Variants in RASA3 observed in about 807,000 individuals in gnomAD.
RASA3 encodes the protein ras GTPase-activating protein 3.
In RASA3, 73 loss-of-function variants were observed where a neutral mutation model predicts 110.0. The observed-to-expected ratio is 0.66, with a 90% CI of 0.55 to 0.81. The LOEUF is 0.81. Ranked by LOEUF, RASA3 falls within the 30% of genes least tolerant of loss-of-function variation. The probability of loss-of-function intolerance (pLI) is 0.00; values close to 1 mark genes in which losing one functional copy is unlikely to be tolerated. For synonymous variants in RASA3, 500 were observed against 451.4 expected (o/e 1.11, Z -1.37); for missense variants, 976 against 1,113.2 (o/e 0.88, Z 1.75).
In RASA3 at chr13:114,011,373, G is replaced by A; in HGVS notation, c.1513-125C>T. Reference sequence around the variant, plus strand: ...CTGTGGCTTGTGCATGAGCTACGGAGAAACAGGGGTAGCGACGCAGATGGG... The same window carrying A: ...CTGTGGCTTGTGCATGAGCTACGGAAAAACAGGGGTAGCGACGCAGATGGG... On this transcript the variant is annotated intron_variant, in intron 15 of 23. Coordinates refer to ENST00000334062, the MANE Select transcript of RASA3 (RefSeq NM_007368.4). This position sits in a 1 kb window ranked among gnomAD's most constrained non-coding sequence, Gnocchi z 4.8. 1 of 834,832 alleles carries A rather than the reference G, an allele frequency of 1.2e-6. No homozygotes were observed. The highest frequency in any genetic ancestry group is 2.0e-6 in the Non-Finnish European group (1 of 506,342). The allele number at this position is 834,832 out of a possible 1,614,324, so 51.7% of individuals were successfully genotyped here. A position where few individuals can be genotyped will look rare whatever the true frequency, so the allele number is the denominator to read the frequency against.
chr13:114,096,050 G>C lies in RASA3; in HGVS notation c.56-22213C>G. The stretch of plus-strand genomic sequence containing the variant: ...TCTGCCTACAGGAAGATGCCACCCT[G>C]GGTGGCACTGGTGTGCCGGGAGGGG... On this transcript the variant is annotated intron_variant, in intron 1 of 23. Transcript: ENST00000334062. The surrounding 1 kb of genome is among the most constrained non-coding windows in gnomAD (Gnocchi z 5.1). Among the ~76,000 whole-genome samples the C allele has an allele frequency of 6.6e-6, 1 of 152,210 alleles. No homozygotes were observed. Among genetic ancestry groups the C allele is most frequent in the African/African-American group, 2.4e-5 (1 of 41,458 alleles).
At chr13:114,088,107 G>C (rs2079844604) in intron 1 of RASA3, among the ~76,000 whole-genome samples, 1 of 145,854 alleles carries the variant, frequency 6.9e-6, no homozygotes, top group Non-Finnish European at 1.5e-5. Context: ...CTCCAGCCTG[G>C]ATGACAGAGT....
intron 1 of RASA3, among the ~76,000 whole-genome samples, chr13:114,079,118 G>A (rs58882990): frequency 0.15 from 23,342 of 152,272 alleles, 1,905 homozygotes; most frequent in Admixed American, 0.22. Context: ...GGGTGAGGAC[G>A]AGGGCCCAGG....
intron 1 of RASA3, among the ~76,000 whole-genome samples, chr13:114,079,840 C>A (rs567540905): frequency 5.9e-5 from 9 of 152,080 alleles, no homozygotes; most frequent in Non-Finnish European, 7.4e-5. Flanking sequence ...CTGGCCTCCC[C>A]ACCCGGCACC....
chr13:114,078,231 C>T (rs2139686034), intron 1 of RASA3, among the ~76,000 whole-genome samples: 1 of 152,348 alleles, frequency 6.6e-6, no homozygotes. Context: ...AGCTCCCAAG[C>T]AACTGTTTCT....
chr13:114,132,371 C>T, intron 1 of RASA3, 64 bp downstream of exon 1: 2 of 1,410,592 alleles, frequency 1.4e-6, no homozygotes, highest in Non-Finnish European at 9.3e-7. Context: ...GGAGGGGAGG[C>T]GGGCGCGGGA....
chr13:114,041,922 C>T (rs557552146), intron 3 of RASA3, among the ~76,000 whole-genome samples: 1 of 152,328 alleles, frequency 6.6e-6, no homozygotes, highest in African/African-American at 2.4e-5. Flanking sequence ...CTGGAATCTG[C>T]ACCACCACAG....
intron 20 of RASA3, among the ~76,000 whole-genome samples, chr13:113,999,349 G>A (rs938808902): frequency 2.0e-5 from 3 of 152,112 alleles, no homozygotes; most frequent in African/African-American, 7.2e-5. Flanking sequence ...CCCACCTTCC[G>A]GCAGGTTCCA....
rs1409293526 is a variant in RASA3 at position 113,996,661 on chromosome 13, T to C, written c.2011A>G (p.Ile671Val). ...TTGCACTGGCTCACTTTGGTGAGAA[T>C]GTCGATCCAGTCCTTGGCCTCCACG... ...NCVEAKDWIDILTKVSQCNQK... is the reference protein window; with the variant it reads ...NCVEAKDWIDVLTKVSQCNQK... Residue 671 changes from isoleucine to valine, a missense_variant, in exon 21 of 24, where the codon ATT becomes GTT. This residue lies in a region of RASA3 where 109 missense variants were observed against 162.5 expected (regional missense o/e 0.67). Transcript: ENST00000334062. 1 of 1,613,842 alleles carries C rather than the reference T, an allele frequency of 6.2e-7. No individual in the cohort carries two copies. Among genetic ancestry groups the C allele is most frequent in the South Asian group, 1.1e-5 (1 of 91,084 alleles).
In RASA3 at chr13:114,011,561, G is replaced by A. The variant is rs1168855329; in HGVS notation, c.1513-313C>T. Among the ~76,000 whole-genome samples, 3 of 152,098 alleles carry A rather than the reference G, an allele frequency of 2.0e-5. No homozygotes were observed. The highest frequency in any genetic ancestry group is 2.1e-4 in the South Asian group (1 of 4,814). On this transcript the variant is annotated intron_variant, in intron 15 of 23. Transcript: ENST00000334062. This position sits in a 1 kb window ranked among gnomAD's most constrained non-coding sequence, Gnocchi z 4.8. ...TCATGGCTCTGGGGCGCTGAGTCTC[G>A]GGGTGCTGAGTCTCCTGGCCCTGCC...
Position 114,114,358 on chromosome 13 carries a change from C to T in RASA3, c.55+18077G>A, listed in dbSNP as rs1335491261. ...TTTATTAGACTTGAGTCCAGAACTC[C>T]TCTAGAAACATTCTCTGGGATATCT... On this transcript the variant is annotated intron_variant, in intron 1 of 23. Transcript: ENST00000334062. The surrounding 1 kb of genome is among the most constrained non-coding windows in gnomAD (Gnocchi z 4.8). Among the ~76,000 whole-genome samples the T allele has an allele frequency of 6.6e-6, 1 of 152,188 alleles. No homozygotes were observed. The highest frequency in any genetic ancestry group is 1.9e-4 in the East Asian group (1 of 5,198).
rs541811169 is a variant in RASA3, at chr13:114,031,021, G to A, written c.373-1134C>T. ...TGCGGCTGTGTGTCTGCCTGTGTGC[G>A]TGCAACTGTGTGTCCATCTGTGTGT... is the stretch of plus-strand genomic sequence containing the variant. On this transcript the variant is annotated intron_variant, in intron 4 of 23. Transcript: ENST00000334062. 2.0e-4 allele frequency among the ~76,000 whole-genome samples: 31 copies of A among 152,154 alleles called. No homozygotes were observed. The Middle Eastern group carries it at 0.014, about 68-fold the overall frequency.
rs2079250246 is a variant in RASA3, at chr13:114,056,603, C to T, written c.174-4448G>A. The T allele has an allele frequency of 5.1e-6, 5 of 984,366 alleles. No individual in the cohort carries two copies. The highest frequency in any genetic ancestry group is 6.0e-6 in the Non-Finnish European group (5 of 829,632). 61.0% of individuals were successfully genotyped at this position (984,366 alleles called of 1,614,324 possible). A position where few individuals can be genotyped will look rare whatever the true frequency, so the allele number is the denominator to read the frequency against. On this transcript the variant is annotated intron_variant, in intron 2 of 23. Transcript: ENST00000334062. This position sits in a 1 kb window ranked among gnomAD's most constrained non-coding sequence, Gnocchi z 5.7. Reference sequence around the variant, plus strand: ...CAGTGGGGGGCTCGGTGGGGGGAGGCCCGTGCTGGCTGGGCACCTGGGAGG... The same window carrying T: ...CAGTGGGGGGCTCGGTGGGGGGAGGTCCGTGCTGGCTGGGCACCTGGGAGG...
At chr13:114,087,214 C>T (rs1281382572) in intron 1 of RASA3, among the ~76,000 whole-genome samples, 2 of 74,606 alleles carry the variant, frequency 2.7e-5, no homozygotes, top group Admixed American at 1.3e-4. Context: ...CCTTCGTCCT[C>T]GCGGGGAAAT....
intron 21 of RASA3, among the ~76,000 whole-genome samples, chr13:113,995,899 ATGGGGGACC>A (rs2053238165): frequency 3.7e-5 from 1 of 27,190 alleles, no homozygotes; most frequent in Non-Finnish European, 5.7e-5. Flanking sequence ...GGCCCGGCTG[ATGGGGGACC>A]CGGCTGATGG....
At chr13:114,019,802 G>A (rs1322344347) in intron 9 of RASA3, among the ~76,000 whole-genome samples, 1 of 142,472 alleles carries the variant, frequency 7.0e-6, no homozygotes, top group Non-Finnish European at 1.5e-5. Context: ...CAGGTGGGTG[G>A]AGCCTGTGTC....
At chr13:114,088,914 G>T (rs918111255) in intron 1 of RASA3, among the ~76,000 whole-genome samples, 2 of 152,130 alleles carry the variant, frequency 1.3e-5, no homozygotes, top group Non-Finnish European at 2.9e-5. Context: ...CAATAAATAA[G>T]ATTATGGAAA....
At chr13:114,028,674 GTGT>G (rs2054084149) in intron 5 of RASA3, among the ~76,000 whole-genome samples, 4 of 125,806 alleles carry the variant, frequency 3.2e-5, no homozygotes, top group African/African-American at 6.1e-5. Context: ...CTCTAAAACA[GTGT>G]CATCCTGGGG....
intron 15 of RASA3, among the ~76,000 whole-genome samples, chr13:114,012,621 ACTC>A (rs370098491): frequency 0.15 from 10,433 of 71,332 alleles, 770 homozygotes; most frequent in Middle Eastern, 0.22. Flanking sequence ...CTCCCCACTC[ACTC>A]CTCATTCCAC....
Sources: gnomAD v4.1 joint callset for allele counts (sites outside exome capture counted in the v4.1 genomes callset) on GRCh38, gnomAD v4.1.1 for gene constraint, gnomAD v4.1.1 regional missense constraint, Gnocchi (gnomAD v3.1) non-coding constraint, MANE v1.5 for transcripts, NCBI Gene and HGNC (gene_info 2026-07-23, HGNC 2026-07-21) for gene names.